Variants in JAK1 observed in about 807,000 individuals in gnomAD.
JAK1 encodes tyrosine-protein kinase JAK1.
Under a neutral mutation model 136.6 loss-of-function variants are expected in JAK1, and 16 were observed. The observed-to-expected ratio is 0.12, with a 90% CI of 0.08 to 0.18. The LOEUF is 0.18. Ranked by LOEUF, JAK1 falls within the 10% of genes least tolerant of loss-of-function variation. The pLI is 1.00. For synonymous variants in JAK1, 492 were observed against 519.5 expected, an observed-to-expected ratio of 0.95 and a Z score of 0.72; for missense variants, 859 against 1,450.1, an observed-to-expected ratio of 0.59 and a Z score of 6.62.
chr1:65,027,058 T>A (rs369156465), intron 2 of JAK1, among the ~76,000 whole-genome samples: 4 of 151,682 alleles, frequency 2.6e-5, no homozygotes, highest in South Asian at 4.2e-4. Flanking sequence ...GGGTTTTTTG[T>A]TTTTTTTAGA....
chr1:64,922,303 C>T (rs911339189), intron 1 of JAK1, among the ~76,000 whole-genome samples: 3 of 152,018 alleles, frequency 2.0e-5, no homozygotes, highest in African/African-American at 7.3e-5. Context: ...CTACAACTAA[C>T]TACACAATAG....
intron 8 of JAK1, among the ~76,000 whole-genome samples, chr1:64,862,662 G>A (rs957979067): frequency 6.6e-6 from 1 of 152,202 alleles, no homozygotes; most frequent in African/African-American, 2.4e-5. Flanking sequence ...AGGACAGGAT[G>A]GGGCAGGCTC....
At chr1:64,963,665 C>T (rs1646322802) in intron 1 of JAK1, among the ~76,000 whole-genome samples, 1 of 152,170 alleles carries the variant, frequency 6.6e-6, no homozygotes, top group South Asian at 2.1e-4. Flanking sequence ...ATTTACCTGA[C>T]TTCCCCCCAA....
At chr1:64,981,152 G>A (rs1317197389) in intron 2 of JAK1, among the ~76,000 whole-genome samples, 1 of 152,122 alleles carries the variant, frequency 6.6e-6, no homozygotes. Flanking sequence ...AAGTGCCCTG[G>A]TAACTCTAAG....
intron 2 of JAK1, chr1:64,990,469 C>G (rs11208564): frequency 6.6e-6 from 1 of 151,668 alleles, no homozygotes; most frequent in Non-Finnish European, 1.5e-5. Context: ...ACCACACACA[C>G]AAAAAAATAA....
At chr1:64,962,066 C>T (rs1348414430) in intron 1 of JAK1, among the ~76,000 whole-genome samples, 1 of 152,190 alleles carries the variant, frequency 6.6e-6, no homozygotes, top group African/African-American at 2.4e-5. Context: ...AAACATTCTA[C>T]AATCACAAAG....
At chr1:65,056,235 T>A (rs1483307559) in intron 1 of JAK1, among the ~76,000 whole-genome samples, 3 of 152,244 alleles carry the variant, frequency 2.0e-5, no homozygotes, top group Non-Finnish European at 4.4e-5. Flanking sequence ...AAAAACGTAG[T>A]GTAGCTTATA....
chr1:65,051,259 A>G (rs964938629), intron 1 of JAK1, among the ~76,000 whole-genome samples: 1 of 152,116 alleles, frequency 6.6e-6, no homozygotes, highest in African/African-American at 2.4e-5. Flanking sequence ...ACTATATATT[A>G]CACTAGACTT....
At chr1:64,944,321 T>C (rs1557713002) in intron 1 of JAK1, among the ~76,000 whole-genome samples, 1 of 152,158 alleles carries the variant, frequency 6.6e-6, no homozygotes. Flanking sequence ...TTGGAAATTT[T>C]TAAAAAATTA....
chr1:64,863,541 A>T (rs1656504375), intron 8 of JAK1, among the ~76,000 whole-genome samples: 1 of 56,952 alleles, frequency 1.8e-5, no homozygotes, highest in Non-Finnish European at 3.1e-5. Flanking sequence ...TTTTTGTTTA[A>T]AAAAAAAGGA....
intron 2 of JAK1, among the ~76,000 whole-genome samples, 184 bp from the exon 3 acceptor site, chr1:64,883,659 T>C (rs1289354981): frequency 2.0e-5 from 3 of 152,132 alleles, no homozygotes; most frequent in Non-Finnish European, 4.4e-5. Context: ...GATGAAACCA[T>C]GGAAAATAAT....
intron 1 of JAK1, among the ~76,000 whole-genome samples, chr1:64,927,928 C>T (rs537739457): frequency 3.1e-4 from 47 of 152,320 alleles, no homozygotes; most frequent in African/African-American, 1.1e-3. Flanking sequence ...CTGCCTTTTA[C>T]TAGCCAGGCC....
upstream of JAK1, among the ~76,000 whole-genome samples, chr1:64,971,027 A>G (rs1305878576): frequency 6.6e-6 from 1 of 152,248 alleles, no homozygotes; most frequent in East Asian, 1.9e-4. Flanking sequence ...GCTATTGCTT[A>G]GATAACAATG....
chr1:64,951,718 G>C (rs1366636223), intron 1 of JAK1, among the ~76,000 whole-genome samples: 1 of 132,558 alleles, frequency 7.5e-6, no homozygotes, highest in African/African-American at 2.8e-5. Context: ...GAGTGCAGTG[G>C]CTCGATCTCT....
intron 1 of JAK1, among the ~76,000 whole-genome samples, chr1:64,919,810 A>G (rs927926434): frequency 6.6e-6 from 1 of 152,120 alleles, no homozygotes; most frequent in Non-Finnish European, 1.5e-5. Flanking sequence ...GAGTCTTTCA[A>G]GTAGCTACTA....
At chr1:65,058,420 G>A (rs750699870) in intron 1 of JAK1, 2 of 534,222 alleles carry the variant, frequency 3.7e-6, no homozygotes, top group East Asian at 5.5e-5. Flanking sequence ...TCCTCTGATG[G>A]AAGGTAAGAT....
intron 2 of JAK1, among the ~76,000 whole-genome samples, chr1:64,999,516 T>C (rs755463723): frequency 9.2e-5 from 14 of 152,226 alleles, no homozygotes; most frequent in African/African-American, 2.4e-4. Flanking sequence ...AGTGGGAGGA[T>C]GGCTTGAGCC....
At chr1:65,018,988 G>A (rs942898929) in intron 2 of JAK1, among the ~76,000 whole-genome samples, 1 of 152,056 alleles carries the variant, frequency 6.6e-6, no homozygotes, top group African/African-American at 2.4e-5. Context: ...TCCATCGTGG[G>A]GGACAGAGTG....
At chr1:64,980,739 A>G (rs1646537642) in intron 2 of JAK1, among the ~76,000 whole-genome samples, 2 of 150,170 alleles carry the variant, frequency 1.3e-5, no homozygotes, top group South Asian at 4.2e-4. Flanking sequence ...CTACCCCACG[A>G]CAGGCCCTGG....
Sources: gnomAD v4.1 joint callset for allele counts (sites outside exome capture counted in the v4.1 genomes callset) on GRCh38, gnomAD v4.1.1 for gene constraint, MANE v1.5 for transcripts, NCBI Gene and HGNC (gene_info 2026-07-23, HGNC 2026-07-21) for gene names.